The following IAH1 variants were observed in gnomAD, a reference collection of about 807,000 sequenced individuals.
IAH1 encodes the protein isoamyl acetate-hydrolyzing esterase 1 homolog.
In IAH1, 24 loss-of-function variants were observed where a neutral mutation model predicts 26.7. The ratio of observed to expected loss-of-function variants is 0.90; its 90% CI spans 0.65 to 1.26. The LOEUF is 1.26. Among genes scored for constraint, IAH1 ranks in the 50% most tolerant of loss-of-function variants. The probability of loss-of-function intolerance (pLI) is 0.00; values close to 1 mark genes in which losing one functional copy is unlikely to be tolerated. For missense variants in IAH1, 300 were observed against 299.9 expected, an observed-to-expected ratio of 1.00 and a Z score of 0.00; for synonymous variants, 140 against 118.5, an observed-to-expected ratio of 1.18 and a Z score of -1.18.
At chr2:9,497,542 T>C (rs1189586079), downstream of IAH1, among the ~76,000 whole-genome samples, 5 of 152,232 alleles carry the variant, frequency 3.3e-5, no homozygotes, top group East Asian at 7.7e-4. Context: ...TCCTATGTGC[T>C]ATTACTTAGA....
At chr2:9,476,137 T>C in intron 2 of IAH1, 98 bp downstream of exon 2, 1 of 1,082,646 alleles carries the variant, frequency 9.2e-7, no homozygotes, top group Middle Eastern at 2.8e-4. Context: ...ACATTCCTCC[T>C]TTATTAATTT....
At chr2:9,475,075 C>T (rs750387937) in intron 1 of IAH1, 5 of 1,225,748 alleles carry the variant, frequency 4.1e-6, no homozygotes, top group Non-Finnish European at 3.2e-6. Flanking sequence ...GGAGCTCTCT[C>T]GCCCCATTCC....
intron 2 of IAH1, among the ~76,000 whole-genome samples, 153 bp from the exon 3 acceptor site, chr2:9,478,069 T>C (rs1011429288): frequency 6.6e-6 from 1 of 152,240 alleles, no homozygotes; most frequent in Non-Finnish European, 1.5e-5. Context: ...GCTTCAGCTA[T>C]GTTCTTGCTC....
chr2:9,496,980 C>T, downstream of IAH1: 2 of 1,371,636 alleles, frequency 1.5e-6, no homozygotes, highest in Non-Finnish European at 2.0e-6. Context: ...CCACCCTGCC[C>T]TTCCCCATCC....
chr2:9,502,436 A>G, the IAH1 span, among the ~76,000 whole-genome samples: 3 of 152,170 alleles, frequency 2.0e-5, no homozygotes, highest in African/African-American at 7.2e-5. Context: ...TGCTAGAGCT[A>G]CCTGCACACA....
At chr2:9,494,846 C>T (rs535452785) in exon 6 of IAH1, 51 of 1,551,482 alleles carry the variant, frequency 3.3e-5, no homozygotes, top group African/African-American at 3.0e-4. Flanking sequence ...CCTCCCTGAC[C>T]ATGCTCCCAA....
chr2:9,484,102 G>A (rs887287882), intron 4 of IAH1, among the ~76,000 whole-genome samples: 3 of 152,070 alleles, frequency 2.0e-5, no homozygotes, highest in Non-Finnish European at 2.9e-5. Context: ...CCTGCAGCCG[G>A]CACTCTCCAA....
downstream of IAH1, among the ~76,000 whole-genome samples, chr2:9,491,742 G>A (rs1007086697): frequency 3.9e-5 from 6 of 152,202 alleles, no homozygotes; most frequent in African/African-American, 1.4e-4. Flanking sequence ...GGTGACAGAG[G>A]GCAAGGACCA....
At chr2:9,505,593 A>G in the IAH1 span, 8 of 545,518 alleles carry the variant, frequency 1.5e-5, no homozygotes, top group South Asian at 1.0e-4. Context: ...TTAAGGATCT[A>G]TAATTCTTCT....
chr2:9,483,753 G>A (rs1347080681), intron 4 of IAH1, among the ~76,000 whole-genome samples: 1 of 152,100 alleles, frequency 6.6e-6, no homozygotes, highest in African/African-American at 2.4e-5. Context: ...GGGAGGATGA[G>A]GCAGCCTGCA....
chr2:9,489,938 A>G (rs1661975491), downstream of IAH1: 1 of 445,924 alleles, frequency 2.2e-6, no homozygotes, highest in African/African-American at 1.9e-5. Flanking sequence ...AGGTCAAAAG[A>G]TATTTTAAAA....
At chr2:9,480,228 A>C (rs947614387) in intron 3 of IAH1, among the ~76,000 whole-genome samples, 1 of 152,204 alleles carries the variant, frequency 6.6e-6, no homozygotes, top group African/African-American at 2.4e-5. Context: ...AGAAAAGCTC[A>C]TAATATGTTA....
intron 3 of IAH1, 84 bp downstream of exon 3, chr2:9,478,454 A>G (rs541268912): frequency 3.1e-6 from 4 of 1,310,264 alleles, no homozygotes; most frequent in South Asian, 3.0e-5. Flanking sequence ...ACTTTTTTCA[A>G]CTGTTTACTT....
chr2:9,477,815 A>G (rs1402420916), intron 2 of IAH1, among the ~76,000 whole-genome samples: 1 of 152,246 alleles, frequency 6.6e-6, no homozygotes, highest in Non-Finnish European at 1.5e-5. Context: ...CAAATATTCT[A>G]TAGACTGTTT....
the IAH1 span, chr2:9,510,221 C>CATAT: frequency 1.6e-5 from 22 of 1,372,890 alleles, no homozygotes; most frequent in African/African-American, 3.2e-4. Flanking sequence ...TAAATAGAGC[C>CATAT]TTATAATCAG....
At position 9,474,635 on chromosome 2, in the gene IAH1, C is replaced by G; in HGVS notation, c.69C>G (p.Asp23Glu). 1 of 1,555,018 alleles carries G rather than the reference C, an allele frequency of 6.4e-7. No individual in the cohort carries two copies. Among genetic ancestry groups the G allele is most frequent in the Non-Finnish European group, 8.7e-7 (1 of 1,154,236 alleles). ...LLWPRLLLFG[D>E]SITQFSFQQG... is the part of the protein sequence containing the mutation. ...GGCCTCGCTTGTTGCTCTTCGGGGA[C>G]TCCATCACCCAGGTACGGCCGCCCC... Residue 23 changes from aspartate to glutamate, a missense_variant, in exon 1 of 6, where the codon GAC becomes GAG. Coordinates refer to ENST00000497473, the MANE Select transcript of IAH1 (RefSeq NM_001039613.3). This position sits in a 1 kb window ranked among gnomAD's most constrained non-coding sequence, Gnocchi z 4.3.
intron 3 of IAH1, among the ~76,000 whole-genome samples, chr2:9,480,434 A>C (rs968982150): frequency 6.6e-6 from 1 of 152,152 alleles, no homozygotes. Context: ...CAGGAGTTCA[A>C]GGTTACAGTG....
downstream of IAH1, among the ~76,000 whole-genome samples, chr2:9,501,221 T>TGTAA (rs924669541): frequency 6.6e-6 from 1 of 150,946 alleles, no homozygotes; most frequent in Admixed American, 6.6e-5. Flanking sequence ...TCAAGAAAAA[T>TGTAA]GTAAGTAAGT....
At chr2:9,496,983 C>G, downstream of IAH1, 2 of 1,387,288 alleles carry the variant, frequency 1.4e-6, no homozygotes, top group Non-Finnish European at 1.9e-6. Flanking sequence ...CCCTGCCCTT[C>G]CCCATCCCCT....
Sources: gnomAD v4.1 joint callset for allele counts (sites outside exome capture counted in the v4.1 genomes callset) on GRCh38, gnomAD v4.1.1 for gene constraint, Gnocchi (gnomAD v3.1) non-coding constraint, MANE v1.5 for transcripts, NCBI Gene and HGNC (gene_info 2026-07-23, HGNC 2026-07-21) for gene names.